Variants in MDN1 observed in about 807,000 individuals in gnomAD.
MDN1 encodes midasin.
A neutral mutation model predicts 669.2 loss-of-function variants in MDN1; 266 were observed. The ratio of observed to expected loss-of-function variants is 0.40; its 90% CI spans 0.36 to 0.44. The LOEUF (loss-of-function observed/expected upper bound fraction) is 0.44. MDN1 is among the 20% of genes least tolerant of loss of function. The probability of loss-of-function intolerance (pLI) is 1.00; values close to 1 mark genes in which losing one functional copy is unlikely to be tolerated. For missense variants in MDN1, 5,940 were observed against 6,754.0 expected, an observed-to-expected ratio of 0.88 and a Z score of 4.22; for synonymous variants, 2,385 against 2,457.1, an observed-to-expected ratio of 0.97 and a Z score of 0.87.
At chr6:89,694,372 T>C (rs978634691) in intron 61 of MDN1, among the ~76,000 whole-genome samples, 189 bp from the exon 62 acceptor site, 9 of 152,182 alleles carry the variant, frequency 5.9e-5, no homozygotes, top group African/African-American at 2.2e-4. Flanking sequence ...AGAAACGATC[T>C]TATTTACACC....
At chr6:89,754,574 A>T (rs1475428) in intron 20 of MDN1, among the ~76,000 whole-genome samples, 147,683 of 152,320 alleles carry the variant, frequency 0.97, 71,642 homozygotes, top group African/African-American at 0.99. Context: ...CTATGCAATC[A>T]AAAATGGGGA....
chr6:89,688,192 G>C lies in MDN1; in HGVS notation c.11260-19C>G, dbSNP rs1455131065. 1 of 1,603,668 alleles carries C rather than the reference G, an allele frequency of 6.2e-7. No individual in the cohort carries two copies. The highest frequency in any genetic ancestry group is 8.5e-7 in the Non-Finnish European group (1 of 1,170,692). On this transcript the variant is annotated intron_variant, in intron 66 of 101. Transcript: ENST00000369393. Reference sequence around the variant, plus strand: ...CCAGGAGCTGCAGAAATAAAGATTTGGGTATCTCAGTAGGAATACCAGTGA... The same window carrying C: ...CCAGGAGCTGCAGAAATAAAGATTTCGGTATCTCAGTAGGAATACCAGTGA...
intron 43 of MDN1, 35 bp downstream of exon 43, chr6:89,718,331 G>T (rs774266579): frequency 1.3e-5 from 21 of 1,591,570 alleles, no homozygotes; most frequent in Non-Finnish European, 1.5e-5. Context: ...ATAAGCAATG[G>T]TAAGTTCCTG....
Position 89,712,648 on chromosome 6 carries a change from T to C in MDN1, c.7357A>G (p.Thr2453Ala), listed in dbSNP as rs1814026804. The change falls in exon 48 of 102, where the codon ACA (threonine) becomes GCA (alanine). Residue 2453 changes from threonine to alanine, a missense_variant. Around this residue, in one of 5 missense-constraint regions of MDN1, gnomAD observed 2,292 missense variants for 2,638.3 expected, o/e 0.87. Coordinates refer to ENST00000369393, the MANE Select transcript of MDN1 (RefSeq NM_014611.3). ...LFATEDSHLS[T>A]VRRDGQILVY... The stretch of plus-strand genomic sequence containing the variant: ...AAGATCTGTCCATCTCTTCGGACTG[T>C]AGACAGGTGTGAATCTTCAGTAGCA... 6.2e-7 allele frequency: 1 copy of C among 1,614,160 alleles called. No homozygotes were observed. The highest frequency in any genetic ancestry group is 2.2e-5 in the East Asian group (1 of 44,878).
chr6:89,685,006 A>G (rs2128307048), intron 70 of MDN1, 21 bp from the exon 71 acceptor site: 1 of 1,532,658 alleles, frequency 6.5e-7, no homozygotes, highest in Non-Finnish European at 9.0e-7. Flanking sequence ...TGAAAAGGAA[A>G]CAAAAATACC....
chr6:89,725,418 T>A, intron 37 of MDN1, 22 bp from the exon 38 acceptor site: 1 of 1,587,164 alleles, frequency 6.3e-7, no homozygotes, highest in Non-Finnish European at 8.7e-7. Flanking sequence ...AGAAAGTACA[T>A]AATTTGTCTC....
At chr6:89,769,241 C>A (rs1352209706) in intron 15 of MDN1, among the ~76,000 whole-genome samples, 1 of 152,140 alleles carries the variant, frequency 6.6e-6, no homozygotes, top group Non-Finnish European at 1.5e-5. Context: ...CATTCCCTTG[C>A]CTTTTTAAAA....
At position 89,751,410 on chromosome 6, in the gene MDN1, G is replaced by A. The variant is rs564975141; in HGVS notation, c.3227+21C>T. On this transcript the variant is annotated intron_variant, in intron 23 of 101. Transcript: ENST00000369393. ...CTATGCCTGTATCAAGTTCGGGGCA[G>A]CGAGAAAAAAGCCCACACACCCTGC... 6.2e-6 allele frequency: 10 copies of A among 1,613,906 alleles called. No individual in the cohort carries two copies. The Admixed American group carries it at 1.5e-4, about 24-fold the overall frequency.
intron 88 of MDN1, among the ~76,000 whole-genome samples, chr6:89,659,238 C>T (rs969834482): frequency 4.6e-5 from 7 of 152,218 alleles, no homozygotes; most frequent in Middle Eastern, 3.4e-3. Context: ...CCATGCAAGG[C>T]GGCATACACC....
chr6:89,711,959 A>G, intron 49 of MDN1, 77 bp downstream of exon 49: 1 of 1,291,310 alleles, frequency 7.7e-7, no homozygotes, highest in Non-Finnish European at 1.1e-6. Context: ...TCACAGATTA[A>G]CACAGCTGCT....
In MDN1 at chr6:89,706,864, C is replaced by G. The variant is rs371938178; in HGVS notation, c.8014+497G>C. 4.6e-5 allele frequency among the ~76,000 whole-genome samples: 7 copies of G among 152,074 alleles called. No individual in the cohort carries two copies. In the South Asian group the frequency reaches 8.3e-4, roughly 18 times the overall value. ...TAAATGAAACTATTACTAACAGTAG[C>G]TGATGTAAAGATGAACTTTTTCAAT... is the stretch of plus-strand genomic sequence containing the variant. On this transcript the variant is annotated intron_variant, in intron 52 of 101. Coordinates refer to ENST00000369393, the MANE Select transcript of MDN1 (RefSeq NM_014611.3).
rs147141733 is a variant in MDN1 at position 89,761,757 on chromosome 6, G to T, written c.2357-9C>A. 294 of 1,558,732 alleles carry T rather than the reference G, an allele frequency of 1.9e-4. 2 individuals are homozygous for T. In the African/African-American group the frequency reaches 3.6e-3, roughly 19 times the overall value. On this transcript the variant is annotated splice_polypyrimidine_tract_variant and intron_variant, in intron 16 of 101. Coordinates refer to ENST00000369393, the MANE Select transcript of MDN1 (RefSeq NM_014611.3). Reference sequence around the variant, plus strand: ...CTCTTTTATGAGTAACCCTAAAAAAGAAAGACAAGAATTCAGCACACATTT... The same window carrying T: ...CTCTTTTATGAGTAACCCTAAAAAATAAAGACAAGAATTCAGCACACATTT...
intron 15 of MDN1, among the ~76,000 whole-genome samples, chr6:89,769,044 AC>A (rs1817954195): frequency 6.6e-6 from 1 of 151,804 alleles, no homozygotes; most frequent in African/African-American, 2.4e-5. Flanking sequence ...ACAAAGTGAG[AC>A]CCTATCTTAA....
intron 83 of MDN1, among the ~76,000 whole-genome samples, chr6:89,670,537 TAA>T: frequency 6.6e-6 from 1 of 152,124 alleles, no homozygotes; most frequent in Admixed American, 6.5e-5. Flanking sequence ...CCAACATGGT[TAA>T]AAGAAAACTT....
chr6:89,816,092 C>T (rs1768806125), intron 1 of MDN1, among the ~76,000 whole-genome samples: 1 of 152,178 alleles, frequency 6.6e-6, no homozygotes, highest in African/African-American at 2.4e-5. Context: ...GATAACACTG[C>T]TTTCTCATAA....
Position 89,650,140 on chromosome 6 carries a change from T to C in MDN1, c.16090A>G (p.Ser5364Gly), listed in dbSNP as rs1584082788. The C allele has an allele frequency of 1.2e-6, 2 of 1,614,212 alleles. No individual in the cohort carries two copies. Among genetic ancestry groups the C allele is most frequent in the Non-Finnish European group, 8.5e-7 (1 of 1,180,042 alleles). Residue 5364 changes from serine (S) to glycine (G), a missense_variant, in exon 97 of 102, where the codon AGT (serine) becomes GGT (glycine). By Grantham distance (56) the Ser-to-Gly change is moderately conservative. Transcript: ENST00000369393. Reference sequence around the variant, plus strand: ...CAAATCTTGTCTTTCCGAAATTGACTAGCAATGTATGGAATGACTTTCCGT... The same window carrying C: ...CAAATCTTGTCTTTCCGAAATTGACCAGCAATGTATGGAATGACTTTCCGT... ...NIRKVIPYIA[S>G]QFRKDKIWLR...
At chr6:89,708,382 C>T (rs1813661075) in intron 51 of MDN1, 114 bp downstream of exon 51, 1 of 1,318,666 alleles carries the variant, frequency 7.6e-7, no homozygotes. Flanking sequence ...CACCCCACAA[C>T]TTCTCAGGTT....
At position 89,662,224 on chromosome 6, in the gene MDN1, C is replaced by G; in HGVS notation, c.14428G>C (p.Val4810Leu). 1 of 1,611,492 alleles carries G rather than the reference C, an allele frequency of 6.2e-7. No individual in the cohort carries two copies. The highest frequency in any genetic ancestry group is 2.2e-5 in the East Asian group (1 of 44,858). ...PGMDEEDSEL[V>L]AKDDNLDSGN... ...CTATCCAAGTTGTCATCTTTAGCAA[C>G]AAGTTCAGAATCTTCCTAAATGTCA... The change falls in exon 87 of 102, where the codon GTT becomes CTT. Residue 4810 changes from valine to leucine, a missense_variant. Around this residue, in one of 5 missense-constraint regions of MDN1, gnomAD observed 2,280 missense variants for 2,576.3 expected, o/e 0.88. Transcript: ENST00000369393.
rs569305868 is a variant in MDN1 at position 89,668,010 on chromosome 6, G to A, written c.14094+4C>T. 95 of 1,613,864 alleles carry A rather than the reference G, an allele frequency of 5.9e-5. No individual in the cohort carries two copies. In the South Asian group the frequency reaches 6.3e-4, roughly 11 times the overall value. On this transcript the variant is annotated splice_donor_region_variant and intron_variant, in intron 84 of 101. Coordinates refer to ENST00000369393, the MANE Select transcript of MDN1 (RefSeq NM_014611.3). The stretch of plus-strand genomic sequence containing the variant: ...GTCAACTGTATACCTATGTGAAAAC[G>A]TACCTGTTCTTCATTTCCGATCTGG...
Sources: allele counts gnomAD v4.1 joint callset (sites outside exome capture counted in the v4.1 genomes callset), GRCh38; gene constraint gnomAD v4.1.1; regional missense constraint gnomAD v4.1.1; transcripts MANE v1.5; gene names NCBI Gene and HGNC (gene_info 2026-07-23, HGNC 2026-07-21).